Variants in SLC39A11 observed in about 807,000 individuals in gnomAD.
SLC39A11 encodes the protein solute carrier family 39 member 11.
A neutral mutation model predicts 36.1 loss-of-function variants in SLC39A11; 33 were observed. The ratio of observed to expected loss-of-function variants is 0.91; its 90% CI spans 0.69 to 1.22. SLC39A11 has a LOEUF of 1.22. Among genes scored for constraint, SLC39A11 ranks in the 50% most tolerant of loss-of-function variants. The pLI is 0.00. For missense variants in SLC39A11, 432 were observed against 430.3 expected, an observed-to-expected ratio of 1.00 and a Z score of -0.03; for synonymous variants, 166 against 170.3, an observed-to-expected ratio of 0.97 and a Z score of 0.20.
chr17:72,898,768 A>G (rs1319553674), intron 5 of SLC39A11, among the ~76,000 whole-genome samples: 2 of 152,248 alleles, frequency 1.3e-5, no homozygotes, highest in African/African-American at 2.4e-5. Flanking sequence ...GTGCACATAC[A>G]TAACACCACC....
chr17:72,716,489 C>T (rs541195444), intron 7 of SLC39A11, among the ~76,000 whole-genome samples: 1 of 151,798 alleles, frequency 6.6e-6, no homozygotes, highest in African/African-American at 2.4e-5. Context: ...GGGCCAGCGT[C>T]TGAAGGCGGC....
chr17:72,733,184 C>T (rs1018420187), intron 7 of SLC39A11, among the ~76,000 whole-genome samples: 14 of 152,318 alleles, frequency 9.2e-5, no homozygotes, highest in South Asian at 6.2e-4. Context: ...CCACCTACCA[C>T]GGTGTCTTTG....
chr17:72,689,088 C>T (rs1219281736), intron 7 of SLC39A11, among the ~76,000 whole-genome samples: 1 of 152,124 alleles, frequency 6.6e-6, no homozygotes, highest in Non-Finnish European at 1.5e-5. Context: ...TGGACCCCTC[C>T]CGAGCCCCTT....
In SLC39A11 at chr17:72,940,874, G is replaced by A. The variant is rs116015503; in HGVS notation, c.430+6878C>T. Among the ~76,000 whole-genome samples the A allele has an allele frequency of 4.1e-3, 617 of 152,304 alleles. 4 individuals carry two copies. Among genetic ancestry groups the A allele is most frequent in the African/African-American group, 0.014 (589 of 41,542 alleles). On this transcript the variant is annotated intron_variant, in intron 5 of 9. Transcript: ENST00000255559. Reference sequence around the variant, plus strand: ...TTCTATGTTGAAGTCCTAACGCCCAGTACCTAAGAATGTAACTGTAAGGGA... The same window carrying A: ...TTCTATGTTGAAGTCCTAACGCCCAATACCTAAGAATGTAACTGTAAGGGA...
intron 6 of SLC39A11, among the ~76,000 whole-genome samples, chr17:72,830,455 A>G: frequency 6.6e-6 from 1 of 152,218 alleles, no homozygotes; most frequent in East Asian, 1.9e-4. Context: ...CTTGGTAAAA[A>G]CACACACAGA....
intron 7 of SLC39A11, among the ~76,000 whole-genome samples, chr17:72,677,125 A>G (rs559100126): frequency 3.9e-5 from 6 of 152,322 alleles, no homozygotes; most frequent in Non-Finnish European, 7.3e-5. Flanking sequence ...GCAGTGGCTG[A>G]GGGTGGTGTC....
chr17:73,037,312 G>C (rs948516575), intron 3 of SLC39A11, among the ~76,000 whole-genome samples: 1 of 152,172 alleles, frequency 6.6e-6, no homozygotes, highest in Non-Finnish European at 1.5e-5. Context: ...CAGCACAGGT[G>C]GGGAGGTGAA....
In SLC39A11 at chr17:72,925,001, C is replaced by CAAA. The variant is rs933053304; in HGVS notation, c.430+22748_430+22750dup. ...TGGGTGACAGAGTGAGACTCCATTTCAAAAAAAAAAAAAAAAAAAAGCCAT... is the reference window on the plus strand; with the variant it reads ...TGGGTGACAGAGTGAGACTCCATTTCAAAAAAAAAAAAAAAAAAAAAAAGCCAT... On this transcript the variant is annotated intron_variant, in intron 5 of 9. Transcript: ENST00000255559. Among the ~76,000 whole-genome samples, 102 of 68,892 alleles carry CAAA rather than the reference C, an allele frequency of 1.5e-3. 1 individual carries two copies. The East Asian group carries it at 0.031, about 21-fold the overall frequency. 45.2% of individuals were successfully genotyped at this position (68,892 alleles called of 152,430 possible).
chr17:73,059,009 A>G (rs1434710829), intron 3 of SLC39A11, among the ~76,000 whole-genome samples: 1 of 152,222 alleles, frequency 6.6e-6, no homozygotes, highest in Non-Finnish European at 1.5e-5. Flanking sequence ...AAGTTTATAA[A>G]TGAATTTGTC....
chr17:72,828,646 G>A (rs966452318), intron 6 of SLC39A11, among the ~76,000 whole-genome samples: 1 of 152,210 alleles, frequency 6.6e-6, no homozygotes, highest in Admixed American at 6.5e-5. Flanking sequence ...AGTCTCCGCA[G>A]CCTGAGTCTG....
At chr17:72,988,262 G>A (rs557689042) in intron 4 of SLC39A11, among the ~76,000 whole-genome samples, 14 of 152,154 alleles carry the variant, frequency 9.2e-5, no homozygotes, top group African/African-American at 1.7e-4. Context: ...AAACCAGTCC[G>A]GCCAACATGG....
chr17:72,933,412 A>T (rs145856799), intron 5 of SLC39A11, among the ~76,000 whole-genome samples: 1,853 of 152,318 alleles, frequency 0.012, 37 homozygotes, highest in African/African-American at 0.042. Flanking sequence ...GAAATCAAAG[A>T]CTTTGGAGAA....
chr17:72,824,896 T>A (rs1337135587), intron 6 of SLC39A11, among the ~76,000 whole-genome samples: 1 of 151,360 alleles, frequency 6.6e-6, no homozygotes, highest in Non-Finnish European at 1.5e-5. Context: ...AGCAAAACGA[T>A]GATCTGAAAC....
chr17:72,921,876 T>C (rs2083686532), intron 5 of SLC39A11, among the ~76,000 whole-genome samples: 1 of 152,250 alleles, frequency 6.6e-6, no homozygotes, highest in African/African-American at 2.4e-5. Flanking sequence ...ATTTCAGAGA[T>C]GCTAAAAATG....
At chr17:72,912,278 A>G (rs970116722) in intron 5 of SLC39A11, among the ~76,000 whole-genome samples, 6 of 151,976 alleles carry the variant, frequency 3.9e-5, no homozygotes, top group Non-Finnish European at 8.8e-5. Flanking sequence ...CACGATGTCT[A>G]CAGAGGACCT....
At chr17:72,983,133 T>G (rs2088456594) in intron 4 of SLC39A11, among the ~76,000 whole-genome samples, 1 of 151,278 alleles carries the variant, frequency 6.6e-6, no homozygotes, top group South Asian at 2.1e-4. Context: ...TTGTTGTTGT[T>G]TTTTGTTTGT....
At chr17:72,975,412 C>T (rs1388934411) in intron 4 of SLC39A11, among the ~76,000 whole-genome samples, 1 of 152,110 alleles carries the variant, frequency 6.6e-6, no homozygotes, top group Non-Finnish European at 1.5e-5. Context: ...GCACTCCAGC[C>T]TGGGCAACAA....
intron 4 of SLC39A11, among the ~76,000 whole-genome samples, chr17:72,964,812 T>C (rs535526224): frequency 2.4e-4 from 37 of 152,310 alleles, no homozygotes; most frequent in Non-Finnish European, 3.7e-4. Flanking sequence ...CGTATGTTTA[T>C]TGCGGCACTA....
intron 6 of SLC39A11, among the ~76,000 whole-genome samples, chr17:72,742,374 T>G (rs1294465910): frequency 1.3e-5 from 2 of 152,144 alleles, no homozygotes; most frequent in Non-Finnish European, 2.9e-5. Flanking sequence ...GTCATGAGAA[T>G]ATGAACTTCG....
Sources: allele counts gnomAD v4.1 joint callset (sites outside exome capture counted in the v4.1 genomes callset), GRCh38; gene constraint gnomAD v4.1.1; transcripts MANE v1.5; gene names NCBI Gene and HGNC (gene_info 2026-07-23, HGNC 2026-07-21).